Variants in CSGALNACT1 observed in about 807,000 individuals in gnomAD.
The protein encoded by CSGALNACT1 is beta4GalNAcT-1.
A neutral mutation model predicts 51.0 loss-of-function variants in CSGALNACT1; 52 were observed. The ratio of observed to expected loss-of-function variants is 1.02; its 90% CI spans 0.82 to 1.29. CSGALNACT1 has a LOEUF of 1.29. Ranked by LOEUF, CSGALNACT1 falls within the 50% of genes most tolerant of loss-of-function variation. The probability of loss-of-function intolerance (pLI) is 0.00; values close to 1 mark genes in which losing one functional copy is unlikely to be tolerated. For synonymous variants in CSGALNACT1, 341 were observed against 254.4 expected (o/e 1.34, Z -3.24); for missense variants, 935 against 679.2 (o/e 1.38, Z -4.19).
intron 1 of CSGALNACT1, among the ~76,000 whole-genome samples, chr8:19,735,444 C>T (rs1392706764): frequency 2.0e-5 from 3 of 152,066 alleles, no homozygotes; most frequent in African/African-American, 7.2e-5. Flanking sequence ...AGATAACATT[C>T]CAATGACCAT....
At chr8:19,524,843 G>C (rs1365519396) in intron 3 of CSGALNACT1, among the ~76,000 whole-genome samples, 1 of 152,098 alleles carries the variant, frequency 6.6e-6, no homozygotes, top group East Asian at 1.9e-4. Flanking sequence ...AAAACAAGGT[G>C]TACCTTTATG....
chr8:19,701,569 A>G (rs1352683760), intron 1 of CSGALNACT1, among the ~76,000 whole-genome samples: 1 of 152,150 alleles, frequency 6.6e-6, no homozygotes, highest in Non-Finnish European at 1.5e-5. Flanking sequence ...AAGGTCTGTC[A>G]CTCTTAGCCA....
At chr8:19,479,302 T>G (rs780267477) in intron 4 of CSGALNACT1, among the ~76,000 whole-genome samples, 9 of 152,158 alleles carry the variant, frequency 5.9e-5, no homozygotes, top group Non-Finnish European at 1.3e-4. Context: ...CACACTCCAT[T>G]GTCTTTGGAT....
intron 8 of CSGALNACT1, among the ~76,000 whole-genome samples, chr8:19,417,314 A>G (rs770351605): frequency 6.6e-6 from 1 of 152,158 alleles, no homozygotes; most frequent in Non-Finnish European, 1.5e-5. Flanking sequence ...GCACCCCAAA[A>G]TGAAGCCATG....
chr8:19,452,436 G>A (rs2063344817), intron 5 of CSGALNACT1, among the ~76,000 whole-genome samples: 1 of 151,298 alleles, frequency 6.6e-6, no homozygotes. Flanking sequence ...AAAAAAGCAG[G>A]GAAGGGGAGA....
chr8:19,692,490 G>A (rs1198616553), intron 1 of CSGALNACT1, among the ~76,000 whole-genome samples: 1 of 152,210 alleles, frequency 6.6e-6, no homozygotes, highest in African/African-American at 2.4e-5. Context: ...AGATGGTGAT[G>A]ATGATGATGG....
chr8:19,591,712 C>G (rs2047860851), intron 2 of CSGALNACT1, among the ~76,000 whole-genome samples: 1 of 151,884 alleles, frequency 6.6e-6, no homozygotes, highest in East Asian at 1.9e-4. Flanking sequence ...TCGCTTAAGC[C>G]CAGGAGTTTC....
intron 3 of CSGALNACT1, among the ~76,000 whole-genome samples, chr8:19,515,914 G>A (rs1330093911): frequency 6.6e-6 from 1 of 152,064 alleles, no homozygotes; most frequent in Admixed American, 6.5e-5. Flanking sequence ...GCAGGACACT[G>A]GCATAAGAAG....
chr8:19,692,770 G>A (rs1008695499), intron 1 of CSGALNACT1, among the ~76,000 whole-genome samples: 6 of 152,184 alleles, frequency 3.9e-5, no homozygotes, highest in Non-Finnish European at 5.9e-5. Flanking sequence ...TCTAGCTGCT[G>A]AGGCTTCACG....
intron 4 of CSGALNACT1, among the ~76,000 whole-genome samples, chr8:19,504,372 G>A (rs1026909963): frequency 8.5e-5 from 13 of 152,298 alleles, no homozygotes; most frequent in African/African-American, 2.4e-4. Flanking sequence ...CACTGCACCC[G>A]GCCAGATGAA....
intron 1 of CSGALNACT1, among the ~76,000 whole-genome samples, chr8:19,706,743 C>T (rs1444909833): frequency 6.6e-6 from 1 of 152,148 alleles, no homozygotes; most frequent in Non-Finnish European, 1.5e-5. Context: ...CCTCACCAAG[C>T]CTCCCTAGTA....
intron 5 of CSGALNACT1, chr8:19,457,923 A>G: frequency 1.4e-6 from 1 of 703,228 alleles, no homozygotes; most frequent in Non-Finnish European, 2.2e-6. Flanking sequence ...GCAGGTTACA[A>G]TAAAAGATAG....
exon 7 of CSGALNACT1, chr8:19,420,503 C>T (rs2057749238): frequency 6.2e-7 from 1 of 1,614,040 alleles, no homozygotes; most frequent in East Asian, 2.2e-5. Context: ...AGGTAAAGTT[C>T]CTGAAGTTGG....
chr8:19,423,079 T>C (rs2058199808), intron 6 of CSGALNACT1, among the ~76,000 whole-genome samples: 1 of 152,188 alleles, frequency 6.6e-6, no homozygotes, highest in Non-Finnish European at 1.5e-5. Context: ...ATAATTCAGG[T>C]ACCTTCTCCA....
chr8:19,616,350 C>T lies in CSGALNACT1; in HGVS notation c.-543-14485G>A, dbSNP rs554852150. On this transcript the variant is annotated intron_variant, in intron 1 of 9. Transcript: ENST00000332246. ...CACAGCTTCCTCAAATTCAGGCATC[C>T]AGACACTCAGACCCAGACAAATACC... Among the ~76,000 whole-genome samples the T allele has an allele frequency of 1.2e-4, 18 of 152,168 alleles. No individual in the cohort carries two copies. In the South Asian group the frequency reaches 3.7e-3, roughly 32 times the overall value.
chr8:19,428,831 G>A (rs200524446), intron 6 of CSGALNACT1, among the ~76,000 whole-genome samples: 13,112 of 45,018 alleles, frequency 0.29, 952 homozygotes, highest in East Asian at 0.62. Flanking sequence ...TGATATGTGT[G>A]TGTGTGTGTG....
At chr8:19,508,835 CTATT>C (rs1563807912) in intron 3 of CSGALNACT1, among the ~76,000 whole-genome samples, 1 of 152,134 alleles carries the variant, frequency 6.6e-6, no homozygotes, top group African/African-American at 2.4e-5. Context: ...TAACTGAACA[CTATT>C]TAAAAACTAA....
chr8:19,562,072 T>C (rs2040865953), intron 3 of CSGALNACT1, among the ~76,000 whole-genome samples: 2 of 152,166 alleles, frequency 1.3e-5, no homozygotes, highest in Admixed American at 1.3e-4. Flanking sequence ...CTGACAAGTA[T>C]GGGTCCTGGG....
intron 1 of CSGALNACT1, among the ~76,000 whole-genome samples, chr8:19,725,682 C>T (rs973117118): frequency 3.9e-5 from 6 of 152,098 alleles, no homozygotes; most frequent in Non-Finnish European, 8.8e-5. Flanking sequence ...CTCAGCCTCC[C>T]AAAGTGCTGG....
Sources: allele counts gnomAD v4.1 joint callset (sites outside exome capture counted in the v4.1 genomes callset), GRCh38; gene constraint gnomAD v4.1.1; transcripts MANE v1.5; gene names NCBI Gene and HGNC (gene_info 2026-07-23, HGNC 2026-07-21).